Variants in EPN2 observed in about 807,000 individuals in gnomAD.
EPN2 encodes epsin 2, also known as epsin-2.
In EPN2, 34 loss-of-function variants were observed where a neutral mutation model predicts 61.7. The observed-to-expected ratio is 0.55, with a 90% CI of 0.42 to 0.73. The LOEUF (loss-of-function observed/expected upper bound fraction) is 0.73. EPN2 is among the 30% of genes least tolerant of loss of function. The probability of loss-of-function intolerance (pLI) is 0.00; values close to 1 mark genes in which losing one functional copy is unlikely to be tolerated. For synonymous variants in EPN2, 349 were observed against 353.6 expected (o/e 0.99, Z 0.15); for missense variants, 714 against 839.2 (o/e 0.85, Z 1.84).
chr17:19,308,478 C>T (rs1462628146), intron 4 of EPN2: 2 of 985,332 alleles, frequency 2.0e-6, no homozygotes, highest in African/African-American at 3.5e-5. Context: ...TGTAAGCCTC[C>T]ACCCAACAGG....
intron 1 of EPN2, among the ~76,000 whole-genome samples, chr17:19,238,533 T>G (rs1227190279): frequency 6.6e-6 from 1 of 152,162 alleles, no homozygotes; most frequent in Non-Finnish European, 1.5e-5. Context: ...GGGACGTATC[T>G]AAAATCTGTG....
intron 1 of EPN2, among the ~76,000 whole-genome samples, chr17:19,264,263 T>C (rs2152209246): frequency 6.6e-6 from 1 of 152,322 alleles, no homozygotes; most frequent in Non-Finnish European, 1.5e-5. Context: ...AATTATATGG[T>C]TTGCGAACTC....
At chr17:19,248,935 C>T (rs957208493) in intron 1 of EPN2, among the ~76,000 whole-genome samples, 4 of 152,138 alleles carry the variant, frequency 2.6e-5, no homozygotes, top group African/African-American at 9.7e-5. Flanking sequence ...AGTGGGAGTT[C>T]TCAGGGACAG....
intron 1 of EPN2, among the ~76,000 whole-genome samples, chr17:19,265,253 T>C (rs2045183592): frequency 1.3e-5 from 2 of 152,146 alleles, no homozygotes; most frequent in South Asian, 4.2e-4. Flanking sequence ...CTGGGCTTGA[T>C]GGTGCACACC....
intron 1 of EPN2, among the ~76,000 whole-genome samples, chr17:19,267,327 T>C (rs1226846000): frequency 6.6e-6 from 1 of 151,898 alleles, no homozygotes; most frequent in Non-Finnish European, 1.5e-5. Context: ...TGCACAACAT[T>C]GTGAATATAC....
At chr17:19,313,968 G>A (rs929495726) in intron 7 of EPN2, among the ~76,000 whole-genome samples, 2 of 152,168 alleles carry the variant, frequency 1.3e-5, no homozygotes, top group Admixed American at 6.5e-5. Context: ...CCCTCCTGGT[G>A]TGCTAAACCC....
At chr17:19,276,854 C>G (rs1438562495) in intron 1 of EPN2, among the ~76,000 whole-genome samples, 1 of 141,734 alleles carries the variant, frequency 7.1e-6, no homozygotes, top group Non-Finnish European at 1.5e-5. Flanking sequence ...TGACAACCCT[C>G]CCACCTCCAC....
At chr17:19,304,430 C>G (rs146973523) in intron 4 of EPN2, among the ~76,000 whole-genome samples, 15 of 152,334 alleles carry the variant, frequency 9.8e-5, no homozygotes, top group African/African-American at 3.6e-4. Flanking sequence ...TGCTGGCTCC[C>G]TAGCCCCTCC....
chr17:19,295,366 A>ACACACACGCGCG (rs147719775), intron 4 of EPN2, among the ~76,000 whole-genome samples: 42 of 140,384 alleles, frequency 3.0e-4, no homozygotes, highest in African/African-American at 4.4e-4. Flanking sequence ...ACACACACAC[A>ACACACACGCGCG]CGCGCGTGCG....
intron 1 of EPN2, among the ~76,000 whole-genome samples, chr17:19,241,584 C>CAAAAAAAAAAA (rs767439856): frequency 3.3e-5 from 2 of 60,084 alleles, no homozygotes; most frequent in Non-Finnish European, 3.7e-5. Context: ...GACTCTGTCT[C>CAAAAAAAAAAA]AAAAAAAAAA....
chr17:19,328,921 C>G (rs753643800), intron 8 of EPN2, 34 bp downstream of exon 8: 1 of 1,580,492 alleles, frequency 6.3e-7, no homozygotes, highest in East Asian at 2.3e-5. Flanking sequence ...TCCTGCCTGG[C>G]CTCTGAGCGC....
rs756799235 is a variant in EPN2 at position 19,328,837 on chromosome 17, C to G, written c.1274C>G (p.Ala425Gly). The change falls in exon 8 of 11, where the codon GCT (alanine) becomes GGT (glycine). Residue 425 changes from alanine (A) to glycine (G), a missense_variant. Ala to Gly is a moderately conservative substitution (Grantham distance 60). Around this residue, in one of 2 missense-constraint regions of EPN2, gnomAD observed 410 missense variants for 421.8 expected, o/e 0.97. Coordinates refer to ENST00000314728, the MANE Select transcript of EPN2 (RefSeq NM_014964.5). ...QQPASSAGKR[A>G]SDAWGAVSTT... ...CCTGCCTCCAGTGCTGGGAAAAGAG[C>G]TTCTGACGCGTGGGGCGCAGTCTCC... is the stretch of plus-strand genomic sequence containing the variant. 6.2e-7 allele frequency: 1 copy of G among 1,613,534 alleles called. No homozygotes were observed. The highest frequency in any genetic ancestry group is 1.1e-5 in the South Asian group (1 of 90,940).
intron 1 of EPN2, among the ~76,000 whole-genome samples, chr17:19,260,827 G>A (rs989579713): frequency 6.6e-6 from 1 of 152,002 alleles, no homozygotes; most frequent in South Asian, 2.1e-4. Flanking sequence ...AACACAAATT[G>A]TGTATTATTA....
intron 1 of EPN2, among the ~76,000 whole-genome samples, chr17:19,267,040 C>A (rs930156274): frequency 3.4e-5 from 5 of 147,524 alleles, no homozygotes; most frequent in African/African-American, 1.2e-4. Context: ...GGGGTTTCCC[C>A]GTGTTAGCCA....
chr17:19,321,049 C>G (rs576287763), intron 7 of EPN2, among the ~76,000 whole-genome samples: 5 of 152,200 alleles, frequency 3.3e-5, no homozygotes, highest in Admixed American at 6.5e-5. Flanking sequence ...GTCTCACATG[C>G]ACACAAGCGG....
In EPN2 at chr17:19,324,480, T is replaced by C. The variant is rs1406188956; in HGVS notation, c.1148-4231T>C. 2.6e-5 allele frequency among the ~76,000 whole-genome samples: 4 copies of C among 152,166 alleles called. No homozygotes were observed. In the East Asian group the frequency reaches 7.7e-4, roughly 29 times the overall value. Reference sequence around the variant, plus strand: ...TCCCGAGTAGCTGGGACTACGGGCATGTGCTACCACGCCCAGCTAATTTTG... The same window carrying C: ...TCCCGAGTAGCTGGGACTACGGGCACGTGCTACCACGCCCAGCTAATTTTG... On this transcript the variant is annotated intron_variant, in intron 7 of 10. Coordinates refer to ENST00000314728, the MANE Select transcript of EPN2 (RefSeq NM_014964.5).
chr17:19,336,500 G>A lies in EPN2; in HGVS notation c.*2246G>A, dbSNP rs1907460949. 1 of 152,656 alleles carries A rather than the reference G, an allele frequency of 6.6e-6. No homozygotes were observed. Among genetic ancestry groups the A allele is most frequent in the Non-Finnish European group, 1.5e-5 (1 of 68,084 alleles). The allele number at this position is 152,656 out of a possible 1,614,324, so 9.5% of individuals were successfully genotyped here. A position where few individuals can be genotyped will look rare whatever the true frequency, so the allele number is the denominator to read the frequency against. ...CATCTTCTGGCACAGGCCATCCCGA[G>A]TGCATGTCCCTGTTGCCCACTGCAC... On this transcript the variant is annotated 3_prime_UTR_variant, in exon 11 of 11. Coordinates refer to ENST00000314728, the MANE Select transcript of EPN2 (RefSeq NM_014964.5).
intron 4 of EPN2, among the ~76,000 whole-genome samples, chr17:19,307,262 AT>A (rs568260499): frequency 1.9e-4 from 29 of 152,038 alleles, no homozygotes; most frequent in Non-Finnish European, 3.2e-4. Context: ...CTAGGATGGG[AT>A]TTGACTTGAT....
intron 1 of EPN2, among the ~76,000 whole-genome samples, chr17:19,238,336 T>C (rs528161244): frequency 6.6e-6 from 1 of 152,288 alleles, no homozygotes; most frequent in South Asian, 2.1e-4. Context: ...GCCGAGCGCG[T>C]TGGGAGGCTG....
Sources: allele counts gnomAD v4.1 joint callset (sites outside exome capture counted in the v4.1 genomes callset), GRCh38; gene constraint gnomAD v4.1.1; regional missense constraint gnomAD v4.1.1; transcripts MANE v1.5; gene names NCBI Gene and HGNC (gene_info 2026-07-23, HGNC 2026-07-21).